Variants in PYM1 observed in about 807,000 individuals in gnomAD.
PYM1 encodes the protein PYM1 exon junction complex associated factor, also known as partner of Y14 and mago.
A neutral mutation model predicts 20.7 loss-of-function variants in PYM1; 7 were observed. The ratio of observed to expected loss-of-function variants is 0.34; its 90% CI spans 0.19 to 0.64. The LOEUF (loss-of-function observed/expected upper bound fraction) is 0.64, where lower values mean the gene tolerates loss of function less well. Among genes scored for constraint, PYM1 ranks in the 30% least tolerant of loss-of-function variants. PYM1 has a pLI of 0.74. For missense variants in PYM1, 194 were observed against 250.0 expected, an observed-to-expected ratio of 0.78 and a Z score of 1.51; for synonymous variants, 100 against 99.2, an observed-to-expected ratio of 1.01 and a Z score of -0.05.
chr12:55,914,136 T>C, intron 1 of PYM1: 1 of 518,856 alleles, frequency 1.9e-6, no homozygotes, highest in Non-Finnish European at 3.4e-6. Context: ...ATATTTAAGT[T>C]GATTGCATAG....
intron 1 of PYM1, among the ~76,000 whole-genome samples, chr12:55,920,723 T>C (rs758993330): frequency 9.2e-5 from 14 of 151,602 alleles, no homozygotes; most frequent in African/African-American, 3.4e-4. Context: ...AGTGTTCTTA[T>C]AATAAAAATT....
intron 1 of PYM1, among the ~76,000 whole-genome samples, chr12:55,920,202 T>C (rs917129049): frequency 1.3e-5 from 2 of 151,048 alleles, no homozygotes; most frequent in African/African-American, 4.9e-5. Flanking sequence ...ACCTTGTCTC[T>C]TTAAAAAAAA....
intron 1 of PYM1, among the ~76,000 whole-genome samples, chr12:55,921,799 A>C (rs772705): frequency 0.038 from 5,845 of 152,272 alleles, 383 homozygotes; most frequent in African/African-American, 0.13. Context: ...CATATAAAAT[A>C]CACATCTATA....
chr12:55,919,780 A>T (rs779619994), intron 1 of PYM1, among the ~76,000 whole-genome samples: 14 of 151,966 alleles, frequency 9.2e-5, no homozygotes, highest in Non-Finnish European at 1.6e-4. Context: ...CGTGCCTGTA[A>T]TCTCATCTAT....
At chr12:55,909,926 A>G (rs971661170) in intron 1 of PYM1, among the ~76,000 whole-genome samples, 3 of 152,190 alleles carry the variant, frequency 2.0e-5, no homozygotes, top group African/African-American at 7.2e-5. Context: ...AAGGTCAGGC[A>G]CAGTGGCTCA....
intron 1 of PYM1, among the ~76,000 whole-genome samples, chr12:55,908,979 G>A (rs983823795): frequency 6.6e-6 from 1 of 152,220 alleles, no homozygotes; most frequent in African/African-American, 2.4e-5. Flanking sequence ...AGGCATGGAT[G>A]TGGGAATGGG....
At chr12:55,917,555 C>T (rs1255686573) in intron 1 of PYM1, among the ~76,000 whole-genome samples, 1 of 152,112 alleles carries the variant, frequency 6.6e-6, no homozygotes, top group African/African-American at 2.4e-5. Context: ...GAACAGAAAA[C>T]CAAATACTGC....
At chr12:55,905,095 G>A (rs749874032) in intron 1 of PYM1, among the ~76,000 whole-genome samples, 62 of 151,362 alleles carry the variant, frequency 4.1e-4, no homozygotes, top group Middle Eastern at 3.4e-3. Flanking sequence ...TCTGCCTCCC[G>A]GGTTCACGCC....
At chr12:55,907,224 G>A (rs562104432) in intron 1 of PYM1, among the ~76,000 whole-genome samples, 2 of 152,004 alleles carry the variant, frequency 1.3e-5, no homozygotes, top group South Asian at 2.1e-4. Context: ...AGCAATTTGG[G>A]AGGTTGAAGT....
Position 55,927,752 on chromosome 12 carries a change from C to T in PYM1, c.10G>A (p.Ala4Thr). ...GTCTCCGTAGCCGCAGGGCTGCCGG[C>T]AGCTTCCATGGCCGAAGAGGCAGCG... Reference protein sequence around the residue: MEAAGSPAATETGK... With the variant: MEATGSPAATETGK... The change falls in exon 1 of 3, where the codon GCC (alanine) becomes ACC (threonine). Residue 4 changes from alanine (A) to threonine (T), a missense_variant. Ala to Thr is a moderately conservative substitution (Grantham distance 58). Around this residue, in one of 3 missense-constraint regions of PYM1, gnomAD observed 19 missense variants for 17.8 expected, o/e 1.07. Transcript: ENST00000408946. 6.5e-7 allele frequency: 1 copy of T among 1,539,638 alleles called. No individual in the cohort carries two copies. Among genetic ancestry groups the T allele is most frequent in the South Asian group, 1.2e-5 (1 of 83,942 alleles).
chr12:55,905,651 G>A (rs1882782708), intron 1 of PYM1, among the ~76,000 whole-genome samples: 1 of 147,176 alleles, frequency 6.8e-6, no homozygotes, highest in Admixed American at 7.1e-5. Context: ...TGCAGTGAGT[G>A]GAGATTGCGC....
intron 1 of PYM1, among the ~76,000 whole-genome samples, chr12:55,917,625 C>T (rs1310342799): frequency 2.0e-5 from 3 of 152,054 alleles, no homozygotes; most frequent in African/African-American, 7.2e-5. Context: ...AAGATGGCAG[C>T]AACAGACATT....
At chr12:55,903,976 T>A (rs1332826537) in intron 1 of PYM1, among the ~76,000 whole-genome samples, 1 of 152,076 alleles carries the variant, frequency 6.6e-6, no homozygotes, top group African/African-American at 2.4e-5. Context: ...TGTTTCATTT[T>A]GTTTTGTTTT....
At chr12:55,908,126 C>A (rs1341275461) in intron 1 of PYM1, among the ~76,000 whole-genome samples, 16 of 151,726 alleles carry the variant, frequency 1.1e-4, no homozygotes, top group Admixed American at 9.8e-4. Context: ...GCCTTTAATC[C>A]CAGCTACTTG....
intron 1 of PYM1, among the ~76,000 whole-genome samples, chr12:55,911,689 A>G (rs911377720): frequency 6.6e-6 from 1 of 151,548 alleles, no homozygotes; most frequent in East Asian, 2.0e-4. Context: ...AAAAATACAA[A>G]AATTAGCTGG....
intron 1 of PYM1, among the ~76,000 whole-genome samples, chr12:55,919,527 A>G (rs1435202507): frequency 6.6e-6 from 1 of 152,204 alleles, no homozygotes; most frequent in Non-Finnish European, 1.5e-5. Flanking sequence ...ATTTTAGAAA[A>G]TAACAGCCAA....
intron 1 of PYM1, 64 bp from the exon 2 acceptor site, chr12:55,903,544 A>C: frequency 6.6e-7 from 1 of 1,519,048 alleles, no homozygotes; most frequent in Non-Finnish European, 9.1e-7. Flanking sequence ...AGATGAGACA[A>C]GAATGTATAA....
chr12:55,907,847 G>A (rs1882851265), intron 1 of PYM1, among the ~76,000 whole-genome samples: 1 of 152,020 alleles, frequency 6.6e-6, no homozygotes, highest in Admixed American at 6.6e-5. Context: ...GCTGAGGCAG[G>A]AAAATCACTT....
chr12:55,920,634 C>G (rs1448829739), intron 1 of PYM1, among the ~76,000 whole-genome samples: 2 of 142,882 alleles, frequency 1.4e-5, no homozygotes, highest in African/African-American at 5.2e-5. Context: ...GAGACTCCGT[C>G]TCAAAAAAAA....
Sources: gnomAD v4.1 joint callset for allele counts (sites outside exome capture counted in the v4.1 genomes callset) on GRCh38, gnomAD v4.1.1 for gene constraint, gnomAD v4.1.1 regional missense constraint, MANE v1.5 for transcripts, NCBI Gene and HGNC (gene_info 2026-07-23, HGNC 2026-07-21) for gene names.